ARHGAP24: variants seen among roughly 807,000 people sequenced by gnomAD.
ARHGAP24 encodes rho GTPase-activating protein 24.
In ARHGAP24, 50 loss-of-function variants were observed where a neutral mutation model predicts 76.4. That is an observed-to-expected ratio of 0.65 (90% CI 0.52 to 0.83). The LOEUF (loss-of-function observed/expected upper bound fraction) is 0.83. ARHGAP24 is among the 40% of genes least tolerant of loss of function. The probability of loss-of-function intolerance (pLI) is 0.00; values close to 1 mark genes in which losing one functional copy is unlikely to be tolerated. For synonymous variants in ARHGAP24, 345 were observed against 323.3 expected (o/e 1.07, Z -0.72); for missense variants, 930 against 914.2 (o/e 1.02, Z -0.22).
At chr4:85,741,396 G>C (rs771216851) in intron 3 of ARHGAP24, among the ~76,000 whole-genome samples, 2 of 152,080 alleles carry the variant, frequency 1.3e-5, no homozygotes, top group Non-Finnish European at 2.9e-5. Flanking sequence ...ACATAAACAG[G>C]GTTTTTGTTT....
At chr4:85,912,843 G>A (rs1735162007) in intron 3 of ARHGAP24, among the ~76,000 whole-genome samples, 1 of 151,912 alleles carries the variant, frequency 6.6e-6, no homozygotes, top group South Asian at 2.1e-4. Flanking sequence ...AAAGAAAACT[G>A]CTCAATGCTA....
chr4:85,898,930 G>C (rs1451470274), intron 3 of ARHGAP24, among the ~76,000 whole-genome samples: 1 of 152,068 alleles, frequency 6.6e-6, no homozygotes, highest in East Asian at 1.9e-4. Context: ...GTTTAGTAGA[G>C]ATGGAGTTTC....
At chr4:85,688,304 T>C (rs1723505832) in intron 2 of ARHGAP24, among the ~76,000 whole-genome samples, 1 of 152,218 alleles carries the variant, frequency 6.6e-6, no homozygotes, top group Non-Finnish European at 1.5e-5. Context: ...TGGTTTTGAT[T>C]TGCATTTCTC....
At chr4:85,841,944 A>G (rs10008894) in intron 3 of ARHGAP24, among the ~76,000 whole-genome samples, 63,204 of 151,768 alleles carry the variant, frequency 0.42, 13,226 homozygotes, top group South Asian at 0.5. Flanking sequence ...TTCACACACA[A>G]GCCCTACTTG....
At chr4:85,758,064 A>G (rs1364455497) in intron 3 of ARHGAP24, among the ~76,000 whole-genome samples, 4 of 102,108 alleles carry the variant, frequency 3.9e-5, no homozygotes, top group Admixed American at 3.2e-4. Context: ...AAGAAGGGGG[A>G]AAAAAAAGCC....
At chr4:85,669,888 A>G (rs1722767058) in intron 2 of ARHGAP24, among the ~76,000 whole-genome samples, 1 of 151,896 alleles carries the variant, frequency 6.6e-6, no homozygotes, top group African/African-American at 2.4e-5. Flanking sequence ...TAAACCCAGC[A>G]TATTGGTGAC....
intron 6 of ARHGAP24, among the ~76,000 whole-genome samples, chr4:85,974,125 A>T (rs1293466669): frequency 6.6e-6 from 1 of 150,816 alleles, no homozygotes; most frequent in Non-Finnish European, 1.5e-5. Flanking sequence ...CAAAGTGCTG[A>T]GATTACAGGC....
chr4:85,587,103 T>C (rs1177851685), intron 2 of ARHGAP24, among the ~76,000 whole-genome samples: 5 of 152,312 alleles, frequency 3.3e-5, no homozygotes, highest in South Asian at 2.1e-4. Flanking sequence ...TTTTAAAAAG[T>C]ACTCATAGAA....
chr4:85,944,718 T>A (rs938157836), intron 5 of ARHGAP24, among the ~76,000 whole-genome samples: 7 of 152,212 alleles, frequency 4.6e-5, no homozygotes, highest in Admixed American at 4.6e-4. Context: ...TGACCGTGGG[T>A]AATAACAAAT....
At chr4:85,689,879 G>A (rs1723564817) in intron 2 of ARHGAP24, among the ~76,000 whole-genome samples, 1 of 152,152 alleles carries the variant, frequency 6.6e-6, no homozygotes, top group Admixed American at 6.5e-5. Context: ...TGATTAGTCT[G>A]TGTAGGACTT....
At chr4:85,910,138 C>T (rs60376563) in intron 3 of ARHGAP24, among the ~76,000 whole-genome samples, 15,146 of 152,222 alleles carry the variant, frequency 0.099, 818 homozygotes, top group South Asian at 0.13. Flanking sequence ...AGACCAGGTG[C>T]ACTGCAAGCA....
At chr4:85,694,972 C>T (rs2110020905) in intron 2 of ARHGAP24, among the ~76,000 whole-genome samples, 1 of 152,212 alleles carries the variant, frequency 6.6e-6, no homozygotes, top group Admixed American at 6.5e-5. Context: ...GCAAGTGCAA[C>T]TGTTAGCTCA....
At chr4:85,845,580 T>C (rs1034212750) in intron 3 of ARHGAP24, among the ~76,000 whole-genome samples, 1 of 152,242 alleles carries the variant, frequency 6.6e-6, no homozygotes, top group Non-Finnish European at 1.5e-5. Context: ...CTGCCTTTTA[T>C]ATTCCCTGTT....
intron 3 of ARHGAP24, among the ~76,000 whole-genome samples, chr4:85,808,843 CA>C (rs11383338): frequency 4.1e-5 from 6 of 147,210 alleles, no homozygotes; most frequent in African/African-American, 5.0e-5. Flanking sequence ...AGTAAAACAG[CA>C]AAAAAAAAAG....
chr4:85,821,288 A>T (rs1214901451), intron 3 of ARHGAP24, among the ~76,000 whole-genome samples: 2 of 152,234 alleles, frequency 1.3e-5, no homozygotes, highest in Admixed American at 6.5e-5. Context: ...AATTTTGAAC[A>T]GATATGATCA....
chr4:85,920,768 A>G (rs1420384709), intron 3 of ARHGAP24, among the ~76,000 whole-genome samples: 1 of 152,256 alleles, frequency 6.6e-6, no homozygotes, highest in Non-Finnish European at 1.5e-5. Flanking sequence ...ATCATATGAA[A>G]AAAAGCTCAA....
chr4:85,942,412 A>G, intron 5 of ARHGAP24, 139 bp downstream of exon 5: 1 of 1,026,600 alleles, frequency 9.7e-7, no homozygotes, highest in South Asian at 1.5e-5. Context: ...AGGAGTTTGC[A>G]TTGTTTCTAT....
chr4:85,999,715 AC>A (rs1256137750), intron 9 of ARHGAP24: 1 of 152,204 alleles, frequency 6.6e-6, no homozygotes, highest in Non-Finnish European at 1.5e-5. Context: ...TATGGAGAAA[AC>A]AGTCTCTGTT....
At chr4:85,696,453 G>GA (rs896015120) in intron 2 of ARHGAP24, among the ~76,000 whole-genome samples, 24 of 152,150 alleles carry the variant, frequency 1.6e-4, no homozygotes, top group African/African-American at 5.8e-4. Flanking sequence ...GGAAAAGGTA[G>GA]ATGTTTATTC....
Sources: gnomAD v4.1 joint callset for allele counts (sites outside exome capture counted in the v4.1 genomes callset) on GRCh38, gnomAD v4.1.1 for gene constraint, MANE v1.5 for transcripts, NCBI Gene and HGNC (gene_info 2026-07-23, HGNC 2026-07-21) for gene names.